Variants in ITGA4 observed in about 807,000 individuals in gnomAD.
ITGA4 encodes integrin subunit alpha 4.
A neutral mutation model predicts 133.6 loss-of-function variants in ITGA4; 63 were observed. That is an observed-to-expected ratio of 0.47 (90% CI 0.38 to 0.58). The LOEUF is 0.58. Ranked by LOEUF, ITGA4 falls within the 20% of genes least tolerant of loss-of-function variation. The pLI is 0.00. For missense variants in ITGA4, 1,076 were observed against 1,252.7 expected, an observed-to-expected ratio of 0.86 and a Z score of 2.13; for synonymous variants, 483 against 438.0, an observed-to-expected ratio of 1.10 and a Z score of -1.28.
intron 22 of ITGA4, among the ~76,000 whole-genome samples, chr2:181,528,376 C>A (rs1182790111): frequency 1.6e-4 from 24 of 152,122 alleles, no homozygotes; most frequent in Admixed American, 1.5e-3. Context: ...AAAACAGAAA[C>A]CAAACCGGAC....
intron 2 of ITGA4, among the ~76,000 whole-genome samples, chr2:181,463,730 C>T (rs867336343): frequency 6.6e-6 from 1 of 152,058 alleles, no homozygotes; most frequent in African/African-American, 2.4e-5. Context: ...GTTCTATGAT[C>T]AGTTCCATGT....
At position 181,538,411 on chromosome 2, in the gene ITGA4, A is replaced by G. The variant is rs1026519120; in HGVS notation, c.*2884A>G. ...AGAAGGTCTGATTGATAAATCATCA[A>G]CAACAATAATTGCTCTAAAACCTCC... is the stretch of plus-strand genomic sequence containing the variant. On this transcript the variant is annotated 3_prime_UTR_variant, in exon 28 of 28. Coordinates refer to ENST00000397033, the MANE Select transcript of ITGA4 (RefSeq NM_000885.6). 5.9e-5 allele frequency among the ~76,000 whole-genome samples: 9 copies of G among 152,166 alleles called. No homozygotes were observed.
chr2:181,526,950 G>A (rs375663111), intron 21 of ITGA4, among the ~76,000 whole-genome samples: 1 of 148,456 alleles, frequency 6.7e-6, no homozygotes, highest in East Asian at 2.0e-4. Context: ...TCCTGCCTCA[G>A]CCTCCCGAGT....
At chr2:181,489,990 T>G (rs968268913) in intron 10 of ITGA4, among the ~76,000 whole-genome samples, 1 of 151,956 alleles carries the variant, frequency 6.6e-6, no homozygotes, top group Non-Finnish European at 1.5e-5. Context: ...CTCACAACTC[T>G]AAGGGGGTGC....
chr2:181,527,703 G>A (rs1686862527), intron 22 of ITGA4, among the ~76,000 whole-genome samples: 1 of 141,502 alleles, frequency 7.1e-6, no homozygotes, highest in African/African-American at 2.5e-5. Flanking sequence ...CAGAAAACAG[G>A]ACAGGCCAAG....
chr2:181,519,961 T>C (rs1437807756), intron 17 of ITGA4, among the ~76,000 whole-genome samples: 1 of 152,116 alleles, frequency 6.6e-6, no homozygotes, highest in African/African-American at 2.4e-5. Flanking sequence ...CTTACCTGCT[T>C]ATATTTTTTG....
intron 15 of ITGA4, among the ~76,000 whole-genome samples, chr2:181,506,562 T>C (rs1686397328): frequency 6.6e-6 from 1 of 152,014 alleles, no homozygotes; most frequent in Admixed American, 6.6e-5. Flanking sequence ...ATGTTGTAAA[T>C]GAAAAGAGAA....
intron 21 of ITGA4, among the ~76,000 whole-genome samples, chr2:181,526,771 AAGAATATCGGTGAGGGACAG>A (rs1261554611): frequency 6.7e-6 from 1 of 148,356 alleles, no homozygotes; most frequent in Non-Finnish European, 1.5e-5. Flanking sequence ...AAAGCAAGAA[AAGAATATCGGTGAGGGACAG>A]ATATTGTCAC....
intron 17 of ITGA4, among the ~76,000 whole-genome samples, chr2:181,520,934 C>T (rs1686705955): frequency 6.6e-6 from 1 of 152,110 alleles, no homozygotes; most frequent in African/African-American, 2.4e-5. Flanking sequence ...CTTACATACT[C>T]TGTCTTTAAT....
chr2:181,506,355 C>G (rs1686391805), intron 15 of ITGA4, among the ~76,000 whole-genome samples: 2 of 152,006 alleles, frequency 1.3e-5, no homozygotes, highest in Admixed American at 6.6e-5. Flanking sequence ...GTCATTTAAT[C>G]ATCACAACAG....
In ITGA4 at chr2:181,534,807, C is replaced by G; in HGVS notation, c.2884-9C>G. 1 of 1,558,706 alleles carries G rather than the reference C, an allele frequency of 6.4e-7. No homozygotes were observed. Among genetic ancestry groups the G allele is most frequent in the Non-Finnish European group, 8.7e-7 (1 of 1,155,958 alleles). ...GGTTTTTGAGTTTTATTTTTCTTAA[C>G]TCACGTAGGTTCTACTGGAAGGACT... On this transcript the variant is annotated splice_polypyrimidine_tract_variant and intron_variant, in intron 26 of 27. Coordinates refer to ENST00000397033, the MANE Select transcript of ITGA4 (RefSeq NM_000885.6).
intron 7 of ITGA4, 79 bp downstream of exon 7, chr2:181,481,762 G>A (rs553234208): frequency 1.8e-6 from 1 of 547,738 alleles, no homozygotes; most frequent in African/African-American, 1.9e-5. Context: ...AGGAGAAACT[G>A]TGAATGTTGT....
intron 4 of ITGA4, among the ~76,000 whole-genome samples, chr2:181,476,415 A>G (rs1685678468): frequency 6.6e-6 from 1 of 152,166 alleles, no homozygotes; most frequent in South Asian, 2.1e-4. Flanking sequence ...AAAACTCCTG[A>G]CCAGAAATGG....
intron 2 of ITGA4, among the ~76,000 whole-genome samples, chr2:181,466,730 T>C (rs1417634447): frequency 6.6e-6 from 1 of 152,156 alleles, no homozygotes; most frequent in Non-Finnish European, 1.5e-5. Context: ...TTAATGGATT[T>C]AGTAAGTATT....
intron 14 of ITGA4, among the ~76,000 whole-genome samples, chr2:181,497,258 T>C (rs1189856535): frequency 6.6e-6 from 1 of 152,190 alleles, no homozygotes; most frequent in Non-Finnish European, 1.5e-5. Context: ...TTTTTAAAAA[T>C]AGTTGAAGAC....
At chr2:181,529,482 T>C (rs1432589331) in intron 22 of ITGA4, 59 bp from the exon 23 acceptor site, 3 of 823,964 alleles carry the variant, frequency 3.6e-6, no homozygotes, top group South Asian at 1.5e-5. Context: ...CTCACTGATA[T>C]CTGTACTTAC....
At chr2:181,460,539 A>G (rs964431527) in intron 2 of ITGA4, among the ~76,000 whole-genome samples, 3 of 148,752 alleles carry the variant, frequency 2.0e-5, no homozygotes, top group African/African-American at 7.4e-5. Context: ...GTGTGTGTAA[A>G]TATATATAAG....
At position 181,486,000 on chromosome 2, in the gene ITGA4, A is replaced by C. The variant is rs1217544921; in HGVS notation, c.1153+8A>C. ...ACAATGATGGCTTTGAAGGTAATTA[A>C]AATTATCAAATTGGTACTTGATTTC... On this transcript the variant is annotated splice_region_variant and intron_variant, in intron 10 of 27. Coordinates refer to ENST00000397033, the MANE Select transcript of ITGA4 (RefSeq NM_000885.6). 7.6e-6 allele frequency: 12 copies of C among 1,572,668 alleles called. No individual in the cohort carries two copies. Among genetic ancestry groups the C allele is most frequent in the Non-Finnish European group, 6.9e-6 (8 of 1,166,238 alleles).
intron 25 of ITGA4, among the ~76,000 whole-genome samples, chr2:181,532,271 GT>G (rs768497780): frequency 6.6e-5 from 10 of 152,210 alleles, no homozygotes; most frequent in African/African-American, 2.4e-4. Context: ...ATTTAAAGTA[GT>G]TTTTTCTAAT....
Sources: allele counts gnomAD v4.1 joint callset (sites outside exome capture counted in the v4.1 genomes callset), GRCh38; gene constraint gnomAD v4.1.1; transcripts MANE v1.5; gene names NCBI Gene and HGNC (gene_info 2026-07-23, HGNC 2026-07-21).